The following PDE6A variants were observed in gnomAD, a reference collection of about 807,000 sequenced individuals.
PDE6A encodes rod cGMP-specific 3',5'-cyclic phosphodiesterase subunit alpha.
Under a neutral mutation model 106.3 loss-of-function variants are expected in PDE6A, and 84 were observed. That is an observed-to-expected ratio of 0.79 (90% confidence interval 0.66 to 0.95). The LOEUF is 0.95. PDE6A is among the 40% of genes least tolerant of loss of function. The probability of loss-of-function intolerance (pLI) is 0.00; values close to 1 mark genes in which losing one functional copy is unlikely to be tolerated. For missense variants in PDE6A, 1,052 were observed against 1,084.9 expected (o/e 0.97, Z 0.43); for synonymous variants, 394 against 386.6 (o/e 1.02, Z -0.23).
At chr5:149,918,552 A>G (rs1222598798) in intron 5 of PDE6A, among the ~76,000 whole-genome samples, 1 of 152,124 alleles carries the variant, frequency 6.6e-6, no homozygotes, top group African/African-American at 2.4e-5. Context: ...GTGCTCATAT[A>G]TTATTTTTCC....
At chr5:149,920,059 G>A (rs1172506028) in intron 5 of PDE6A, among the ~76,000 whole-genome samples, 1 of 152,086 alleles carries the variant, frequency 6.6e-6, no homozygotes, top group East Asian at 1.9e-4. Context: ...CAGGTGCGGT[G>A]GCTCATGCTT....
chr5:149,867,596 G>T (rs1760377126), intron 19 of PDE6A, 129 bp downstream of exon 19: 1 of 831,568 alleles, frequency 1.2e-6, no homozygotes, highest in South Asian at 1.4e-5. Context: ...CACATTTTTA[G>T]AACCACTGCA....
chr5:149,872,469 A>G (rs928322525), intron 17 of PDE6A, among the ~76,000 whole-genome samples: 1 of 140,136 alleles, frequency 7.1e-6, no homozygotes, highest in African/African-American at 2.7e-5. Flanking sequence ...AGAGCTCTCA[A>G]AAGCAAGCTG....
chr5:149,936,559 C>T (rs1186570152), intron 1 of PDE6A, among the ~76,000 whole-genome samples: 1 of 152,194 alleles, frequency 6.6e-6, no homozygotes, highest in Non-Finnish European at 1.5e-5. Flanking sequence ...AAGGCAGATG[C>T]TACCAAATCC....
chr5:149,859,330 CAACCATTGA>C lies in PDE6A; in HGVS notation c.*1556_*1564del, dbSNP rs1561664154. On this transcript the variant is annotated 3_prime_UTR_variant, in exon 22 of 22. Transcript: ENST00000255266. Reference sequence around the variant, plus strand: ...TTGTTTGGATCAGATTCAGGCAAGCCAACCATTGAAAACGTTCATGAGAATGAAGGAAGG... The same window carrying C: ...TTGTTTGGATCAGATTCAGGCAAGCCAAACGTTCATGAGAATGAAGGAAGG... 6.6e-6 allele frequency: 1 copy of C among 152,274 alleles called. No individual in the cohort carries two copies. The highest frequency in any genetic ancestry group is 1.9e-4 in the East Asian group (1 of 5,186). 9.4% of individuals were successfully genotyped at this position (152,274 alleles called of 1,614,324 possible). A position where few individuals can be genotyped will look rare whatever the true frequency, so the allele number is the denominator to read the frequency against.
chr5:149,883,659 A>G, intron 16 of PDE6A, 123 bp from the exon 17 acceptor site: 1 of 749,370 alleles, frequency 1.3e-6, no homozygotes, highest in South Asian at 1.5e-5. Context: ...AACAAGGTTG[A>G]AAGAGCCAAG....
At position 149,883,417 on chromosome 5, in the gene PDE6A, A is replaced by G; in HGVS notation, c.2135+12T>C. ...CCTAAGAGGATCAGGTTTTAACCCC[A>G]TCCCAACTCACATAACGATTTCCTT... is the stretch of plus-strand genomic sequence containing the variant. On this transcript the variant is annotated intron_variant, in intron 17 of 21. Coordinates refer to ENST00000255266, the MANE Select transcript of PDE6A (RefSeq NM_000440.3). The G allele has an allele frequency of 2.5e-6, 4 of 1,580,028 alleles. No individual in the cohort carries two copies. Among genetic ancestry groups the G allele is most frequent in the Non-Finnish European group, 2.6e-6 (3 of 1,148,900 alleles).
chr5:149,938,447 C>A (rs1754241955), intron 1 of PDE6A, among the ~76,000 whole-genome samples: 1 of 152,114 alleles, frequency 6.6e-6, no homozygotes, highest in East Asian at 1.9e-4. Flanking sequence ...GAAGGGCTGA[C>A]ATTTAGTCAT....
rs1404395329 is a variant in PDE6A at position 149,896,368 on chromosome 5, G to A, written c.1608C>T (p.His536=). The change falls in exon 12 of 22, where the codon CAC becomes CAT. Residue 536 remains histidine, a synonymous_variant. Coordinates refer to ENST00000255266, the MANE Select transcript of PDE6A (RefSeq NM_000440.3). ...YYELKVVDKF[H]IPQEALVRFM... is the part of the protein sequence containing the mutation. ...GTTTTGACCTCACCTCTTGTGGAATGTGAAATTTATCCACCACTTTGAGCT... is the reference window on the plus strand; with the variant it reads ...GTTTTGACCTCACCTCTTGTGGAATATGAAATTTATCCACCACTTTGAGCT... The A allele has an allele frequency of 1.2e-6, 2 of 1,613,456 alleles. No homozygotes were observed. The highest frequency in any genetic ancestry group is 4.5e-5 in the East Asian group (2 of 44,886).
At position 149,931,129 on chromosome 5, in the gene PDE6A, T is replaced by C. The variant is rs1399515304; in HGVS notation, c.757A>G (p.Thr253Ala). Residue 253 changes from threonine (T) to alanine (A), a missense_variant, in exon 4 of 22, where the codon ACG becomes GCG. Thr to Ala is a moderately conservative substitution (Grantham distance 58). Transcript: ENST00000255266. Reference protein sequence around the residue: ...WSGSKVFEELTDIERQFHKAL... With the variant: ...WSGSKVFEELADIERQFHKAL... The stretch of plus-strand genomic sequence containing the variant: ...TTGTGGAACTGTCGTTCGATGTCCG[T>C]AAGTTCTTCAAAGACTTTGCTCCCA... 8 of 1,614,146 alleles carry C rather than the reference T, an allele frequency of 5.0e-6. No individual in the cohort carries two copies.
rs764812220 is a variant in PDE6A at position 149,921,695 on chromosome 5, C to T, written c.873G>A (p.Val291=). The change falls in exon 5 of 22, where the codon GTG becomes GTA. Residue 291 remains valine (V), a synonymous_variant. Coordinates refer to ENST00000255266, the MANE Select transcript of PDE6A (RefSeq NM_000440.3). ...DMTKQKEFFD[V]WPVLMGEVPP... ...GAACTTCACCCATCAGAACCGGCCA[C>T]ACATCAAAAAATTCCTAGGAATGAG... 1 of 1,613,616 alleles carries T rather than the reference C, an allele frequency of 6.2e-7. No individual in the cohort carries two copies. The highest frequency in any genetic ancestry group is 1.7e-5 in the Admixed American group (1 of 60,010).
intron 6 of PDE6A, among the ~76,000 whole-genome samples, chr5:149,912,619 G>GCTGCTTTATCAGCCTTGGCTC (rs1753421734): frequency 6.6e-6 from 1 of 152,118 alleles, no homozygotes; most frequent in African/African-American, 2.4e-5. Flanking sequence ...CAAAATGGCA[G>GCTGCTTTATCAGCCTTGGCTC]CTGCTTTATC....
chr5:149,868,235 C>A, intron 17 of PDE6A, 77 bp from the exon 18 acceptor site: 5 of 1,368,730 alleles, frequency 3.7e-6, no homozygotes, highest in Non-Finnish European at 5.2e-6. Context: ...TCTCTCTCAC[C>A]TTTCTCCACC....
chr5:149,943,517 C>G (rs1184371948), intron 1 of PDE6A, among the ~76,000 whole-genome samples: 1 of 152,192 alleles, frequency 6.6e-6, no homozygotes, highest in Non-Finnish European at 1.5e-5. Flanking sequence ...ACAGGAGTCT[C>G]CCTATGTTGC....
rs980364042 is a variant in PDE6A, at chr5:149,921,688, C to T, written c.880G>A (p.Val294Ile). The T allele has an allele frequency of 5.0e-6, 8 of 1,613,770 alleles. No individual in the cohort carries two copies. The highest frequency in any genetic ancestry group is 6.8e-6 in the Non-Finnish European group (8 of 1,179,784). Residue 294 changes from valine (V) to isoleucine (I), a missense_variant, in exon 5 of 22, where the codon GTT becomes ATT. Transcript: ENST00000255266. ...KQKEFFDVWP[V>I]LMGEVPPYSG... ...TAAGGTGGAACTTCACCCATCAGAA[C>T]CGGCCACACATCAAAAAATTCCTAG...
chr5:149,931,077 A>G lies in PDE6A; in HGVS notation c.809T>C (p.Leu270Pro), dbSNP rs761644555. ...ACCCACAGAGTATCTGTCACAGTTG[A>G]GGAAAGCACGGACTGTGTACAGGGC... ...HKALYTVRAF[L>P]NCDRYSVGLL... is the part of the protein sequence containing the mutation. Residue 270 changes from leucine (L) to proline (P), a missense_variant, in exon 4 of 22, where the codon CTC becomes CCC. Physicochemically the swap from Leu to Pro is moderately conservative, Grantham distance 98 (BLOSUM62 -3). This residue lies in a region of PDE6A where 913 missense variants were observed against 915.2 expected (regional missense o/e 1.00). Coordinates refer to ENST00000255266, the MANE Select transcript of PDE6A (RefSeq NM_000440.3). The G allele has an allele frequency of 6.2e-7, 1 of 1,614,042 alleles. No homozygotes were observed. The highest frequency in any genetic ancestry group is 8.5e-7 in the Non-Finnish European group (1 of 1,179,874).
At chr5:149,935,588 G>A (rs1224106698) in intron 1 of PDE6A, among the ~76,000 whole-genome samples, 1 of 152,224 alleles carries the variant, frequency 6.6e-6, no homozygotes, top group Non-Finnish European at 1.5e-5. Context: ...AGCTCTGAGT[G>A]TATAGAGGAG....
chr5:149,862,993 T>G, intron 21 of PDE6A, 126 bp downstream of exon 21: 1 of 1,146,578 alleles, frequency 8.7e-7, no homozygotes. Context: ...ACACACAGAA[T>G]GGGGACAGTA....
At chr5:149,933,873 A>G in intron 3 of PDE6A, 57 bp downstream of exon 3, 1 of 1,293,484 alleles carries the variant, frequency 7.7e-7, no homozygotes, top group Non-Finnish European at 1.1e-6. Context: ...TCCTGACCAC[A>G]TCAATGCTTC....
Sources: gnomAD v4.1 joint callset for allele counts (sites outside exome capture counted in the v4.1 genomes callset) on GRCh38, gnomAD v4.1.1 for gene constraint, gnomAD v4.1.1 regional missense constraint, MANE v1.5 for transcripts, NCBI Gene and HGNC (gene_info 2026-07-23, HGNC 2026-07-21) for gene names.